CAMK1D: variants seen among roughly 807,000 people sequenced by gnomAD.
CAMK1D encodes the protein calcium/calmodulin-dependent protein kinase type 1D.
A neutral mutation model predicts 47.7 loss-of-function variants in CAMK1D; 9 were observed. The observed-to-expected ratio is 0.19, with a 90% CI of 0.11 to 0.33. The LOEUF is 0.33. Ranked by LOEUF, CAMK1D falls within the 10% of genes least tolerant of loss-of-function variation. CAMK1D has a pLI of 1.00. For synonymous variants in CAMK1D, 184 were observed against 184.9 expected, an observed-to-expected ratio of 0.99 and a Z score of 0.04; for missense variants, 291 against 488.7, an observed-to-expected ratio of 0.60 and a Z score of 3.81.
intron 2 of CAMK1D, among the ~76,000 whole-genome samples, chr10:12,591,415 C>T (rs990854942): frequency 3.3e-5 from 5 of 152,232 alleles, no homozygotes; most frequent in Admixed American, 6.5e-5. Flanking sequence ...TATCCCCCTA[C>T]GGCACCTGCC....
chr10:12,453,577 T>C (rs933235134), intron 1 of CAMK1D, among the ~76,000 whole-genome samples: 2 of 152,254 alleles, frequency 1.3e-5, no homozygotes, highest in African/African-American at 4.8e-5. Flanking sequence ...ATGGACTGTC[T>C]GAGTAACCTT....
intron 3 of CAMK1D, among the ~76,000 whole-genome samples, chr10:12,740,673 G>A (rs12246882): frequency 0.012 from 1,871 of 152,314 alleles, 38 homozygotes; most frequent in African/African-American, 0.042. Context: ...GGCTAGAGAA[G>A]CTGAGAGTTT....
At chr10:12,749,551 T>TTG (rs1554820818) in intron 3 of CAMK1D, among the ~76,000 whole-genome samples, 4 of 99,116 alleles carry the variant, frequency 4.0e-5, no homozygotes, top group African/African-American at 1.8e-4. Context: ...TTGTTTGTTT[T>TTG]TTGTTTGTTT....
At chr10:12,754,565 G>C (rs1045169866) in intron 3 of CAMK1D, among the ~76,000 whole-genome samples, 4 of 152,198 alleles carry the variant, frequency 2.6e-5, no homozygotes, top group African/African-American at 9.7e-5. Flanking sequence ...ATGTTGCCCG[G>C]TGTATTTGTT....
chr10:12,511,011 A>G (rs1457291339), intron 1 of CAMK1D, among the ~76,000 whole-genome samples: 1 of 152,230 alleles, frequency 6.6e-6, no homozygotes, highest in Non-Finnish European at 1.5e-5. Context: ...TTTGACCTCC[A>G]CTTTTCATTC....
chr10:12,504,038 A>T (rs1014575652), intron 1 of CAMK1D, among the ~76,000 whole-genome samples: 3 of 152,124 alleles, frequency 2.0e-5, no homozygotes, highest in Admixed American at 6.6e-5. Context: ...CCTTGAGCAT[A>T]TTAACCAAAG....
At chr10:12,695,155 C>T (rs1005728782) in intron 3 of CAMK1D, among the ~76,000 whole-genome samples, 3 of 151,984 alleles carry the variant, frequency 2.0e-5, no homozygotes, top group African/African-American at 7.3e-5. Context: ...AATATAGGAG[C>T]TTATATTGTA....
At chr10:12,695,899 A>C (rs1050181515) in intron 3 of CAMK1D, among the ~76,000 whole-genome samples, 2 of 152,066 alleles carry the variant, frequency 1.3e-5, no homozygotes, top group African/African-American at 4.8e-5. Flanking sequence ...CAACATAGTG[A>C]AACCCCGTCT....
intron 1 of CAMK1D, among the ~76,000 whole-genome samples, chr10:12,547,861 A>G (rs1836445167): frequency 6.6e-6 from 1 of 152,230 alleles, no homozygotes; most frequent in South Asian, 2.1e-4. Context: ...TATATCCTTT[A>G]AGAAGACCAG....
chr10:12,449,452 G>T (rs79304936), intron 1 of CAMK1D, among the ~76,000 whole-genome samples: 1 of 151,682 alleles, frequency 6.6e-6, no homozygotes, highest in African/African-American at 2.4e-5. Flanking sequence ...AAAAAAAAAA[G>T]TGAAGATATT....
At chr10:12,504,115 GTGTGTGTGTGTGTC>G (rs1466635479) in intron 1 of CAMK1D, among the ~76,000 whole-genome samples, 6 of 142,178 alleles carry the variant, frequency 4.2e-5, no homozygotes, top group African/African-American at 1.7e-4. Flanking sequence ...ATGGGTGTGT[GTGTGTGTGTGTGTC>G]TGTGTGTGTG....
intron 1 of CAMK1D, among the ~76,000 whole-genome samples, chr10:12,534,147 CATCT>C (rs763173387): frequency 3.5e-4 from 53 of 152,094 alleles, no homozygotes; most frequent in East Asian, 3.3e-3. Context: ...CAAACCTCCA[CATCT>C]ATCTATCTAT....
At chr10:12,708,579 C>T (rs1833817537) in intron 3 of CAMK1D, among the ~76,000 whole-genome samples, 1 of 152,184 alleles carries the variant, frequency 6.6e-6, no homozygotes, top group African/African-American at 2.4e-5. Context: ...TTCAGACGGC[C>T]TCAGCAAAAG....
chr10:12,627,331 C>T (rs1839249763), intron 2 of CAMK1D, among the ~76,000 whole-genome samples: 4 of 151,914 alleles, frequency 2.6e-5, no homozygotes, highest in Middle Eastern at 3.4e-3. Context: ...GTGATCTGCC[C>T]GCCTCTGCCT....
intron 3 of CAMK1D, among the ~76,000 whole-genome samples, chr10:12,677,016 G>A (rs754682472): frequency 6.6e-6 from 1 of 152,114 alleles, no homozygotes; most frequent in Non-Finnish European, 1.5e-5. Flanking sequence ...GAAAAGCTAA[G>A]GACAAAACAC....
At chr10:12,474,688 A>G (rs1833850936) in intron 1 of CAMK1D, among the ~76,000 whole-genome samples, 1 of 151,852 alleles carries the variant, frequency 6.6e-6, no homozygotes, top group Non-Finnish European at 1.5e-5. Context: ...GATTTTTTTT[A>G]TCACCCAGGT....
At chr10:12,727,207 A>G (rs1024916915) in intron 3 of CAMK1D, among the ~76,000 whole-genome samples, 2 of 152,246 alleles carry the variant, frequency 1.3e-5, no homozygotes, top group African/African-American at 4.8e-5. Context: ...ATGCTAGGCT[A>G]CAACTTACAG....
intron 2 of CAMK1D, among the ~76,000 whole-genome samples, chr10:12,573,842 T>TTTTTTTTTTTTTTTTC (rs1837405424): frequency 8.4e-6 from 1 of 119,120 alleles, no homozygotes; most frequent in African/African-American, 3.8e-5. Context: ...TTTTTTTTTT[T>TTTTTTTTTTTTTTTTC]TTTTTTTTTT....
intron 2 of CAMK1D, among the ~76,000 whole-genome samples, chr10:12,631,893 A>G (rs1398607293): frequency 6.6e-6 from 1 of 152,204 alleles, no homozygotes; most frequent in African/African-American, 2.4e-5. Context: ...GGAGGCTGCA[A>G]ACACATGAGA....
Sources: gnomAD v4.1 joint callset for allele counts (sites outside exome capture counted in the v4.1 genomes callset) on GRCh38, gnomAD v4.1.1 for gene constraint, MANE v1.5 for transcripts, NCBI Gene and HGNC (gene_info 2026-07-23, HGNC 2026-07-21) for gene names.